The following ENTHD1 variants were observed in gnomAD, a reference collection of about 807,000 sequenced individuals.
ENTHD1 encodes ENTH domain-containing protein 1.
A neutral mutation model predicts 39.1 loss-of-function variants in ENTHD1; 23 were observed. The observed-to-expected ratio is 0.59, with a 90% CI of 0.42 to 0.83. The LOEUF (loss-of-function observed/expected upper bound fraction) is 0.83. Among genes scored for constraint, ENTHD1 ranks in the 40% least tolerant of loss-of-function variants. The pLI is 0.00. For synonymous variants in ENTHD1, 230 were observed against 258.2 expected, an observed-to-expected ratio of 0.89 and a Z score of 1.05; for missense variants, 624 against 705.4, an observed-to-expected ratio of 0.88 and a Z score of 1.31.
chr22:39,792,570 T>C (rs1328551863), intron 5 of ENTHD1, among the ~76,000 whole-genome samples: 1 of 152,088 alleles, frequency 6.6e-6, no homozygotes, highest in Non-Finnish European at 1.5e-5. Context: ...TGCTAATGAG[T>C]TGGCAAAAAA....
intron 4 of ENTHD1, among the ~76,000 whole-genome samples, chr22:39,828,799 A>G (rs2065845064): frequency 6.6e-6 from 1 of 152,202 alleles, no homozygotes; most frequent in Admixed American, 6.5e-5. Context: ...AATCCTGGGC[A>G]GTATATATAG....
At chr22:39,848,848 G>A (rs569935387) in intron 3 of ENTHD1, among the ~76,000 whole-genome samples, 27 of 152,084 alleles carry the variant, frequency 1.8e-4, no homozygotes, top group South Asian at 1.0e-3. Flanking sequence ...TCTTCTAAAC[G>A]TTTCAAAGTT....
Position 39,770,982 on chromosome 22 carries a change from T to G in ENTHD1, c.833-5373A>C, listed in dbSNP as rs111318004. 2.8e-4 allele frequency among the ~76,000 whole-genome samples: 42 copies of G among 152,342 alleles called. 1 individual carries two copies. The highest frequency in any genetic ancestry group is 9.4e-4 in the African/African-American group (39 of 41,580). ...AATCCCAAATCTGAAATGCTCCAAC[T>G]AGCACTTCTTTGAGCATGATGTTTG... On this transcript the variant is annotated intron_variant, in intron 5 of 6. Transcript: ENST00000325157.
chr22:39,845,945 T>C (rs1427426319), intron 3 of ENTHD1, among the ~76,000 whole-genome samples: 1 of 151,718 alleles, frequency 6.6e-6, no homozygotes, highest in Non-Finnish European at 1.5e-5. Flanking sequence ...GTAATCAAAA[T>C]AGGGTGGTTC....
chr22:39,813,599 A>G (rs1329938885), intron 5 of ENTHD1, among the ~76,000 whole-genome samples: 2 of 152,216 alleles, frequency 1.3e-5, no homozygotes, highest in East Asian at 3.8e-4. Flanking sequence ...GAGCTGCAAA[A>G]ACACACATTA....
intron 3 of ENTHD1, among the ~76,000 whole-genome samples, chr22:39,849,658 T>A (rs1355238104): frequency 6.6e-6 from 1 of 152,216 alleles, no homozygotes; most frequent in East Asian, 1.9e-4. Flanking sequence ...GATTTTTGGC[T>A]ATTATAAATG....
chr22:39,887,340 C>T (rs2066386705), intron 2 of ENTHD1, 60 bp downstream of exon 2: 4 of 1,432,762 alleles, frequency 2.8e-6, no homozygotes, highest in Non-Finnish European at 3.8e-6. Flanking sequence ...GCCTCCCATG[C>T]ACCAGGATTA....
In ENTHD1 at chr22:39,799,078, C is replaced by G. The variant is rs2065576754; in HGVS notation, c.832+21915G>C. Among the ~76,000 whole-genome samples the G allele has an allele frequency of 2.0e-5, 3 of 152,306 alleles. No homozygotes were observed. In the Middle Eastern group the frequency reaches 0.01, roughly 518 times the overall value. On this transcript the variant is annotated intron_variant, in intron 5 of 6. Coordinates refer to ENST00000325157, the MANE Select transcript of ENTHD1 (RefSeq NM_152512.4). ...TGGTGCTAGGCCACGCAGGCTTGTT[C>G]TCAGGCCCTCTGGTTTTATACTCAG...
At chr22:39,833,889 T>A (rs1031804481) in intron 4 of ENTHD1, among the ~76,000 whole-genome samples, 2 of 122,772 alleles carry the variant, frequency 1.6e-5, no homozygotes, top group Non-Finnish European at 1.6e-5. Context: ...CATACTGTAG[T>A]AAAATTAAGT....
Position 39,856,536 on chromosome 22 carries a change from T to C in ENTHD1, c.592+5229A>G, listed in dbSNP as rs183848391. ...TAACAGATTTAAAACAAATTTACTA[T>C]AGATTTTACATCCAAACATTCACTG... On this transcript the variant is annotated intron_variant, in intron 3 of 6. Coordinates refer to ENST00000325157, the MANE Select transcript of ENTHD1 (RefSeq NM_152512.4). 2.3e-3 allele frequency among the ~76,000 whole-genome samples: 347 copies of C among 152,278 alleles called. 1 individual carries two copies. Among genetic ancestry groups the C allele is most frequent in the African/African-American group, 7.9e-3 (329 of 41,550 alleles).
chr22:39,756,281 G>GTC (rs1377103885), intron 6 of ENTHD1, among the ~76,000 whole-genome samples: 6 of 141,924 alleles, frequency 4.2e-5, no homozygotes, highest in African/African-American at 1.6e-4. Context: ...ACCTATCAAT[G>GTC]TCTCTGTCTC....
rs1165370282 is a variant in ENTHD1, at chr22:39,867,919, C to T, written c.350-5912G>A. On this transcript the variant is annotated intron_variant, in intron 2 of 6. Coordinates refer to ENST00000325157, the MANE Select transcript of ENTHD1 (RefSeq NM_152512.4). The surrounding 1 kb of genome is among the most constrained non-coding windows in gnomAD (Gnocchi z 4.5). ...CTCAAAAACAAGATAAAAACCCCCA[C>T]GAAGCAGAAATATAACAGAAATGAA... Among the ~76,000 whole-genome samples, 3 of 152,078 alleles carry T rather than the reference C, an allele frequency of 2.0e-5. No homozygotes were observed. Among genetic ancestry groups the T allele is most frequent in the East Asian group, 1.9e-4 (1 of 5,200 alleles).
At chr22:39,828,110 C>A (rs1275844166) in intron 4 of ENTHD1, among the ~76,000 whole-genome samples, 1 of 152,090 alleles carries the variant, frequency 6.6e-6, no homozygotes, top group East Asian at 1.9e-4. Flanking sequence ...TGTTGCAGAG[C>A]AATACATATT....
intron 6 of ENTHD1, among the ~76,000 whole-genome samples, chr22:39,752,555 A>G (rs2065155620): frequency 1.3e-5 from 2 of 152,210 alleles, no homozygotes; most frequent in Admixed American, 1.3e-4. Flanking sequence ...TGGTACATTA[A>G]TTAGATTTCA....
chr22:39,795,711 G>A (rs936562243), intron 5 of ENTHD1, among the ~76,000 whole-genome samples: 1 of 151,922 alleles, frequency 6.6e-6, no homozygotes, highest in Non-Finnish European at 1.5e-5. Flanking sequence ...ACAGGCATGA[G>A]ACACTGTGCC....
chr22:39,790,441 C>A (rs112589514), intron 5 of ENTHD1, among the ~76,000 whole-genome samples: 1 of 152,162 alleles, frequency 6.6e-6, no homozygotes, highest in Non-Finnish European at 1.5e-5. Flanking sequence ...GGGCTGGATG[C>A]ACCTCTATTC....
At chr22:39,780,087 G>T (rs2065395990) in intron 5 of ENTHD1, among the ~76,000 whole-genome samples, 1 of 152,108 alleles carries the variant, frequency 6.6e-6, no homozygotes, top group Non-Finnish European at 1.5e-5. Context: ...TAATAATACT[G>T]TGGGGGCTGT....
chr22:39,777,238 G>GTATAAAT (rs1170736353), intron 5 of ENTHD1, among the ~76,000 whole-genome samples: 8 of 152,204 alleles, frequency 5.3e-5, no homozygotes, highest in African/African-American at 1.9e-4. Flanking sequence ...TAAATGTATT[G>GTATAAAT]GTTTAAAAGA....
chr22:39,844,316 T>C (rs1601635099), intron 3 of ENTHD1, among the ~76,000 whole-genome samples: 1 of 151,760 alleles, frequency 6.6e-6, no homozygotes, highest in East Asian at 1.9e-4. Flanking sequence ...AAAAATGGAG[T>C]TGAGACAATT....
Sources: gnomAD v4.1 joint callset for allele counts (sites outside exome capture counted in the v4.1 genomes callset) on GRCh38, gnomAD v4.1.1 for gene constraint, Gnocchi (gnomAD v3.1) non-coding constraint, MANE v1.5 for transcripts, NCBI Gene and HGNC (gene_info 2026-07-23, HGNC 2026-07-21) for gene names.